The following SYTL5 variants were observed in gnomAD, a reference collection of about 807,000 sequenced individuals.
SYTL5 encodes the protein synaptotagmin like 5, also known as synaptotagmin-like protein 5.
SYTL5 carries 34 observed loss-of-function variants against 55.9 expected under a neutral mutation model. The ratio of observed to expected loss-of-function variants is 0.61; its 90% CI spans 0.46 to 0.81. SYTL5 has a LOEUF of 0.81. Ranked by LOEUF, SYTL5 falls within the 30% of genes least tolerant of loss-of-function variation. The pLI is 0.00. For missense variants in SYTL5, 637 were observed against 546.7 expected (o/e 1.17, Z -1.65); for synonymous variants, 221 against 188.7 (o/e 1.17, Z -1.40).
intron 3 of SYTL5, among the ~76,000 whole-genome samples, chrX:38,057,284 G>C (rs2147319956): frequency 9.0e-6 from 1 of 111,522 alleles, no homozygotes; most frequent in South Asian, 3.8e-4. Flanking sequence ...TGGAAAATGA[G>C]CTCACTGTAG....
At chrX:37,963,974 C>G in the SYTL5 span, among the ~76,000 whole-genome samples, 1 of 111,765 alleles carries the variant, frequency 8.9e-6, no homozygotes, top group Non-Finnish European at 1.9e-5. Flanking sequence ...TCTGTTGAGA[C>G]GATCATGTGA....
At chrX:37,905,960 G>A in the SYTL5 span, among the ~76,000 whole-genome samples, 1 of 113,459 alleles carries the variant, frequency 8.8e-6, no homozygotes, top group Non-Finnish European at 1.9e-5. Context: ...CTGGGGGTGG[G>A]GAGGGAGAGG....
At chrX:38,047,225 T>A (rs1935489603) in intron 2 of SYTL5, among the ~76,000 whole-genome samples, 1 of 112,767 alleles carries the variant, frequency 8.9e-6, no homozygotes, top group Admixed American at 9.3e-5. Context: ...ACATTTCCCT[T>A]CCATACTGCC....
At chrX:37,929,228 T>G in the SYTL5 span, among the ~76,000 whole-genome samples, 1 of 110,775 alleles carries the variant, frequency 9.0e-6, no homozygotes, top group East Asian at 2.8e-4. Flanking sequence ...TTAAAGGGAG[T>G]GTGTTGTAGG....
the SYTL5 span, among the ~76,000 whole-genome samples, chrX:37,928,313 C>A: frequency 8.9e-6 from 1 of 111,884 alleles, no homozygotes; most frequent in South Asian, 3.8e-4. Context: ...AAGGAGCTTT[C>A]TCATCCATTC....
At chrX:37,969,211 AT>A in the SYTL5 span, among the ~76,000 whole-genome samples, 1 of 112,129 alleles carries the variant, frequency 8.9e-6, no homozygotes, top group South Asian at 3.7e-4. Context: ...TGCTTCTCCT[AT>A]TTTAACTTTT....
At chrX:37,904,531 T>C in the SYTL5 span, among the ~76,000 whole-genome samples, 1 of 110,048 alleles carries the variant, frequency 9.1e-6, no homozygotes, top group African/African-American at 3.3e-5. Flanking sequence ...AAAGTAGAGG[T>C]GGGAGCCAGA....
chrX:37,951,362 T>A, the SYTL5 span, among the ~76,000 whole-genome samples: 6 of 111,662 alleles, frequency 5.4e-5, no homozygotes, highest in Non-Finnish European at 7.5e-5. Context: ...AAAAGCATTT[T>A]AATAAACGGT....
At chrX:38,072,364 T>C (rs1936289312) in intron 4 of SYTL5, among the ~76,000 whole-genome samples, 1 of 112,130 alleles carries the variant, frequency 8.9e-6, no homozygotes, top group Non-Finnish European at 1.9e-5. Flanking sequence ...TTCACAATGA[T>C]TTTCCATATA....
intron 7 of SYTL5, among the ~76,000 whole-genome samples, chrX:38,090,109 G>C (rs1265869652): frequency 8.9e-6 from 1 of 111,869 alleles, no homozygotes; most frequent in Non-Finnish European, 1.9e-5. Context: ...GAAAGACCAG[G>C]TTCAAAGGTA....
chrX:37,966,506 C>T, the SYTL5 span, among the ~76,000 whole-genome samples: 6 of 97,428 alleles, frequency 6.2e-5, no homozygotes, highest in South Asian at 4.9e-4. Flanking sequence ...GGCACGATCT[C>T]GGCTCACTGC....
intron 10 of SYTL5, chrX:38,102,896 T>A: frequency 2.1e-6 from 1 of 467,230 alleles, no homozygotes; most frequent in Non-Finnish European, 3.6e-6. Context: ...ACTTTAGTGT[T>A]CAAGGCCTTT....
At chrX:37,957,281 A>T in the SYTL5 span, among the ~76,000 whole-genome samples, 1 of 110,792 alleles carries the variant, frequency 9.0e-6, no homozygotes, top group African/African-American at 3.3e-5. Flanking sequence ...TTTTGGTTTG[A>T]TATAGTCCCC....
intron 13 of SYTL5, 91 bp from the exon 14 acceptor site, chrX:38,120,267 C>A: frequency 1.7e-6 from 1 of 604,931 alleles, no homozygotes; most frequent in Non-Finnish European, 2.8e-6. Flanking sequence ...CACATTTATG[C>A]CACTAAGTAA....
the SYTL5 span, among the ~76,000 whole-genome samples, chrX:37,898,022 C>A: frequency 9.0e-6 from 1 of 111,181 alleles, no homozygotes; most frequent in Middle Eastern, 4.2e-3. Context: ...TGCTTGAACC[C>A]GGGAGGCGGA....
At chrX:37,935,236 T>A in the SYTL5 span, among the ~76,000 whole-genome samples, 3 of 111,886 alleles carry the variant, frequency 2.7e-5, no homozygotes, top group South Asian at 1.1e-3. Context: ...ACACTAAGAC[T>A]TCTATATCTA....
chrX:37,970,505 T>A, the SYTL5 span, among the ~76,000 whole-genome samples: 10 of 110,854 alleles, frequency 9.0e-5, no homozygotes, highest in East Asian at 8.4e-4. Context: ...AATATTTTTT[T>A]AAAAAAGGTT....
the SYTL5 span, among the ~76,000 whole-genome samples, chrX:37,926,970 C>G: frequency 3.6e-5 from 4 of 112,067 alleles, no homozygotes. Flanking sequence ...AATGTTCTCT[C>G]TCTTGTAGAT....
At chrX:38,118,837 C>T (rs1371802864) in intron 13 of SYTL5, among the ~76,000 whole-genome samples, 2 of 108,054 alleles carry the variant, frequency 1.9e-5, no homozygotes, top group African/African-American at 6.8e-5. Flanking sequence ...TCATTATAAT[C>T]TCAAATTTCT....
Sources: gnomAD v4.1 joint callset for allele counts (sites outside exome capture counted in the v4.1 genomes callset) on GRCh38, gnomAD v4.1.1 for gene constraint, MANE v1.5 for transcripts, NCBI Gene and HGNC (gene_info 2026-07-23, HGNC 2026-07-21) for gene names.